The following NEO1 variants were observed in gnomAD, a reference collection of about 807,000 sequenced individuals.
The protein encoded by NEO1 is neogenin.
A neutral mutation model predicts 159.7 loss-of-function variants in NEO1; 63 were observed. The ratio of observed to expected loss-of-function variants is 0.39; its 90% CI spans 0.32 to 0.49. The LOEUF is 0.49. NEO1 is among the 20% of genes least tolerant of loss of function. The pLI, the probability that NEO1 is intolerant of heterozygous loss-of-function variation, is 0.85. For synonymous variants in NEO1, 633 were observed against 662.0 expected (o/e 0.96, Z 0.67); for missense variants, 1,615 against 1,831.0 (o/e 0.88, Z 2.15).
chr15:73,301,807 A>G (rs1055088195), intron 28 of NEO1, among the ~76,000 whole-genome samples: 1 of 152,024 alleles, frequency 6.6e-6, no homozygotes, highest in African/African-American at 2.4e-5. Context: ...AGCTGGAACT[A>G]CAGGCACCCA....
Position 73,270,162 on chromosome 15 carries a change from C to G in NEO1, c.2647C>G (p.Gln883Glu), listed in dbSNP as rs781407636. 1.1e-5 allele frequency: 18 copies of G among 1,613,852 alleles called. No homozygotes were observed. In the South Asian group the frequency reaches 1.8e-4, roughly 16 times the overall value. The part of the protein sequence containing the change: ...TWADNSLPKH[Q>E]KITDSRYYTV... ...GGCAGACAACTCGCTGCCCAAGCAC[C>G]AGAAGATTACAGACTCCCGATACTA... Residue 883 changes from glutamine (Q) to glutamate (E), a missense_variant, in exon 17 of 29, where the codon CAG (glutamine) becomes GAG (glutamate). By Grantham distance (29) the Gln-to-Glu change is conservative. This residue lies in a region of NEO1 where 1,018 missense variants were observed against 1,115.4 expected (regional missense o/e 0.91). Transcript: ENST00000261908.
rs142080975 is a variant in NEO1 at position 73,164,507 on chromosome 15, G to C, written c.1016-11896G>C. On this transcript the variant is annotated intron_variant, in intron 5 of 28. Transcript: ENST00000261908. ...TGGAATTACAGGCATAAGCCACCAC[G>C]CCCAGCCTCTTTTTCTTATTTCCTT... 3.7e-3 allele frequency among the ~76,000 whole-genome samples: 570 copies of C among 152,194 alleles called. 2 individuals are homozygous for C. Among genetic ancestry groups the C allele is most frequent in the African/African-American group, 0.013 (547 of 41,528 alleles).
chr15:73,129,482 T>G (rs544553392), intron 4 of NEO1, among the ~76,000 whole-genome samples: 6 of 152,340 alleles, frequency 3.9e-5, no homozygotes, highest in African/African-American at 1.2e-4. Flanking sequence ...TTAAGAACAT[T>G]TCCATGGCTT....
chr15:73,260,123 C>A, intron 14 of NEO1, 148 bp from the exon 15 acceptor site: 5 of 452,414 alleles, frequency 1.1e-5, no homozygotes, highest in Non-Finnish European at 1.5e-5. Context: ...TTTCACTATA[C>A]ATACAGATTC....
chr15:73,092,852 T>TA (rs761965702), intron 1 of NEO1, among the ~76,000 whole-genome samples: 1 of 152,230 alleles, frequency 6.6e-6, no homozygotes, highest in Non-Finnish European at 1.5e-5. Context: ...ATACATTTGT[T>TA]ACAATTAGTA....
intron 5 of NEO1, among the ~76,000 whole-genome samples, chr15:73,165,144 GACTCC>G (rs2034484709): frequency 7.1e-6 from 1 of 139,870 alleles, no homozygotes; most frequent in African/African-American, 2.6e-5. Flanking sequence ...ATGTTGCCTA[GACTCC>G]AGTCTGTATT....
chr15:73,242,057 C>T (rs1242104971), intron 8 of NEO1, among the ~76,000 whole-genome samples: 3 of 152,164 alleles, frequency 2.0e-5, no homozygotes, highest in Non-Finnish European at 2.9e-5. Context: ...CTGTCGTACA[C>T]GAACATGAAT....
chr15:73,295,191 G>A (rs1241244669), intron 26 of NEO1, among the ~76,000 whole-genome samples: 1 of 146,252 alleles, frequency 6.8e-6, no homozygotes, highest in Admixed American at 7.0e-5. Flanking sequence ...CCAATTTGGA[G>A]TTCTGCATTT....
chr15:73,133,654 C>T (rs1360188157), intron 4 of NEO1, among the ~76,000 whole-genome samples: 5 of 152,262 alleles, frequency 3.3e-5, no homozygotes, highest in African/African-American at 1.2e-4. Context: ...ACCTTATGCC[C>T]AGCAATACTG....
intron 4 of NEO1, among the ~76,000 whole-genome samples, chr15:73,130,685 A>G (rs1322221600): frequency 6.6e-6 from 1 of 152,208 alleles, no homozygotes; most frequent in Admixed American, 6.5e-5. Context: ...CTAGCCAGGC[A>G]GTAATGAGGC....
At chr15:73,109,159 A>G (rs998626873) in intron 1 of NEO1, among the ~76,000 whole-genome samples, 5 of 151,988 alleles carry the variant, frequency 3.3e-5, no homozygotes, top group African/African-American at 1.2e-4. Flanking sequence ...TATACATAAC[A>G]ATTTCTAAAA....
At chr15:73,134,906 G>C (rs1437636572) in intron 4 of NEO1, among the ~76,000 whole-genome samples, 2 of 152,138 alleles carry the variant, frequency 1.3e-5, no homozygotes, top group Non-Finnish European at 2.9e-5. Flanking sequence ...ACAGTATTAA[G>C]ATTTGGAAGA....
At chr15:73,231,273 T>G (rs2038893994) in intron 7 of NEO1, among the ~76,000 whole-genome samples, 2 of 152,094 alleles carry the variant, frequency 1.3e-5, no homozygotes. Flanking sequence ...CAGGCACACA[T>G]GGAACAACCT....
chr15:73,084,804 G>A (rs1796210909), intron 1 of NEO1, among the ~76,000 whole-genome samples: 2 of 151,796 alleles, frequency 1.3e-5, no homozygotes, highest in African/African-American at 2.4e-5. Context: ...TGTGTTTAAT[G>A]TGTGTGTGTT....
At chr15:73,267,230 G>T (rs927442369) in intron 16 of NEO1, among the ~76,000 whole-genome samples, 6 of 152,138 alleles carry the variant, frequency 3.9e-5, no homozygotes, top group African/African-American at 1.4e-4. Context: ...TGCACTCCAG[G>T]CTAGGCGACA....
intron 5 of NEO1, among the ~76,000 whole-genome samples, chr15:73,148,697 G>A (rs1272024834): frequency 6.6e-6 from 1 of 152,154 alleles, no homozygotes; most frequent in Admixed American, 6.5e-5. Flanking sequence ...GCATTGAATG[G>A]TGATTTAAAT....
intron 5 of NEO1, among the ~76,000 whole-genome samples, chr15:73,162,506 C>G (rs371841223): frequency 9.9e-5 from 15 of 152,198 alleles, no homozygotes; most frequent in African/African-American, 3.1e-4. Context: ...AATTCTCATG[C>G]CTCAACCTGC....
At chr15:73,053,248 C>A (rs1453469725) in intron 1 of NEO1, among the ~76,000 whole-genome samples, 1 of 152,148 alleles carries the variant, frequency 6.6e-6, no homozygotes, top group Admixed American at 6.5e-5. Flanking sequence ...GTTCCCTGGC[C>A]AGGGATTTCC....
chr15:73,300,751 T>A (rs2042582966), intron 27 of NEO1, among the ~76,000 whole-genome samples: 1 of 152,224 alleles, frequency 6.6e-6, no homozygotes, highest in African/African-American at 2.4e-5. Flanking sequence ...ACAGCTGTCA[T>A]ACTTTGCACA....
Sources: allele counts gnomAD v4.1 joint callset (sites outside exome capture counted in the v4.1 genomes callset), GRCh38; gene constraint gnomAD v4.1.1; regional missense constraint gnomAD v4.1.1; transcripts MANE v1.5; gene names NCBI Gene and HGNC (gene_info 2026-07-23, HGNC 2026-07-21).